NRXN3: variants seen among roughly 807,000 people sequenced by gnomAD.
NRXN3 encodes the protein neurexin 3.
NRXN3 carries 32 observed loss-of-function variants against 137.6 expected under a neutral mutation model. The observed-to-expected ratio is 0.23, with a 90% CI of 0.18 to 0.31. The LOEUF is 0.31. NRXN3 is among the 10% of genes least tolerant of loss of function. The pLI, the probability that NRXN3 is intolerant of heterozygous loss-of-function variation, is 1.00. For missense variants in NRXN3, 1,574 were observed against 2,062.5 expected (o/e 0.76, Z 4.59); for synonymous variants, 798 against 784.5 (o/e 1.02, Z -0.29).
At chr14:79,724,560 A>C (rs1257951799) in intron 19 of NRXN3, among the ~76,000 whole-genome samples, 1 of 152,194 alleles carries the variant, frequency 6.6e-6, no homozygotes, top group Non-Finnish European at 1.5e-5. Context: ...AGATGCTGCT[A>C]TACATTTTAT....
intron 4 of NRXN3, among the ~76,000 whole-genome samples, chr14:78,528,807 TA>T (rs112615675): frequency 6.6e-6 from 1 of 152,282 alleles, no homozygotes; most frequent in African/African-American, 2.4e-5. Flanking sequence ...TTAGCATGGA[TA>T]TTTCCATTCA....
intron 19 of NRXN3, among the ~76,000 whole-genome samples, chr14:79,750,024 T>G (rs1183881564): frequency 6.6e-6 from 1 of 152,174 alleles, no homozygotes; most frequent in Non-Finnish European, 1.5e-5. Context: ...ATGAGTCTGA[T>G]TTTACGCTTT....
chr14:78,183,144 GCTGAAAGGAAGCTCCATTTTTCTTCCTT>G (rs1046318325), intron 1 of NRXN3, among the ~76,000 whole-genome samples: 1 of 152,176 alleles, frequency 6.6e-6, no homozygotes, highest in African/African-American at 2.4e-5. Flanking sequence ...GCCCCTCTGT[GCTGAAAGGAAGCTCCATTTTTCTTCCTT>G]CTGGCAAGAA....
At chr14:78,838,999 T>A (rs1220334699) in intron 10 of NRXN3, among the ~76,000 whole-genome samples, 1 of 152,158 alleles carries the variant, frequency 6.6e-6, no homozygotes, top group East Asian at 1.9e-4. Context: ...GGGAGAATAG[T>A]GGGTGCTGGA....
intron 16 of NRXN3, among the ~76,000 whole-genome samples, chr14:79,475,880 T>C (rs1010035657): frequency 6.6e-6 from 1 of 152,158 alleles, no homozygotes; most frequent in Non-Finnish European, 1.5e-5. Context: ...TTATTGCAGT[T>C]ATCAAGCTAG....
chr14:79,488,892 C>T (rs183205281), intron 16 of NRXN3, among the ~76,000 whole-genome samples: 22 of 152,182 alleles, frequency 1.4e-4, no homozygotes, highest in African/African-American at 3.9e-4. Flanking sequence ...GTCTTGATCT[C>T]GGAGTCAGAA....
chr14:79,052,886 T>C (rs1021989360), intron 15 of NRXN3, among the ~76,000 whole-genome samples: 1 of 152,234 alleles, frequency 6.6e-6, no homozygotes. Flanking sequence ...GTGTGCATGA[T>C]TGTGCTTAGC....
chr14:78,895,982 T>C (rs2099173108), intron 10 of NRXN3, among the ~76,000 whole-genome samples: 1 of 151,880 alleles, frequency 6.6e-6, no homozygotes, highest in African/African-American at 2.4e-5. Flanking sequence ...CCATCTCAGA[T>C]ATAATAATAA....
chr14:78,619,921 G>A (rs937056844), intron 4 of NRXN3, among the ~76,000 whole-genome samples: 123 of 152,208 alleles, frequency 8.1e-4, no homozygotes, highest in Non-Finnish European at 4.3e-4. Flanking sequence ...GGAAGAAGAT[G>A]GCCATCTACA....
At chr14:79,586,436 C>T (rs1343579556) in intron 16 of NRXN3, among the ~76,000 whole-genome samples, 1 of 152,108 alleles carries the variant, frequency 6.6e-6, no homozygotes, top group African/African-American at 2.4e-5. Context: ...TTGAAATGCT[C>T]ATTGTAGAAT....
chr14:78,740,142 T>A (rs897440359), intron 8 of NRXN3, among the ~76,000 whole-genome samples: 4 of 152,232 alleles, frequency 2.6e-5, no homozygotes, highest in Admixed American at 1.3e-4. Flanking sequence ...GTTCCACTTT[T>A]AAACTCTCAG....
intron 20 of NRXN3, among the ~76,000 whole-genome samples, chr14:79,849,198 A>G (rs778691340): frequency 2.0e-5 from 3 of 152,144 alleles, no homozygotes; most frequent in Admixed American, 6.6e-5. Flanking sequence ...GATCTCCCCA[A>G]TTCTACTTTT....
chr14:79,106,808 A>T (rs2052537294), intron 15 of NRXN3, among the ~76,000 whole-genome samples: 1 of 152,180 alleles, frequency 6.6e-6, no homozygotes, highest in South Asian at 2.1e-4. Flanking sequence ...TTTATGCATG[A>T]TAACTGGTGG....
intron 4 of NRXN3, among the ~76,000 whole-genome samples, chr14:78,472,176 C>G (rs781693053): frequency 2.0e-5 from 3 of 152,132 alleles, no homozygotes; most frequent in Non-Finnish European, 4.4e-5. Context: ...TTGGAAACTC[C>G]CACTATTATG....
chr14:78,551,311 A>G (rs1483821187), intron 4 of NRXN3, among the ~76,000 whole-genome samples: 1 of 152,022 alleles, frequency 6.6e-6, no homozygotes, highest in East Asian at 1.9e-4. Context: ...TTCTACTTAT[A>G]TCTATGTATG....
rs75434162 is a variant in NRXN3, at chr14:78,542,230, T to C, written c.758-102890T>C. On this transcript the variant is annotated intron_variant, in intron 4 of 20. Transcript: ENST00000335750. ...GAGCTGTCAGACAGGGACGTTTAAG[T>C]CTGCACAAGTTGTCTGCTGCCTTTT... is the stretch of plus-strand genomic sequence containing the variant. Among the ~76,000 whole-genome samples the C allele has an allele frequency of 5.6e-3, 846 of 152,312 alleles. 42 individuals are homozygous for C. In the East Asian group the frequency reaches 0.094, roughly 17 times the overall value.
At chr14:78,486,018 A>C (rs970435847) in intron 4 of NRXN3, among the ~76,000 whole-genome samples, 1 of 152,224 alleles carries the variant, frequency 6.6e-6, no homozygotes. Context: ...AATAATAACA[A>C]AAGATTGAAT....
At chr14:79,464,018 CGAA>C (rs984253146) in intron 15 of NRXN3, among the ~76,000 whole-genome samples, 1 of 151,930 alleles carries the variant, frequency 6.6e-6, no homozygotes, top group African/African-American at 2.4e-5. Flanking sequence ...AAAATTAACA[CGAA>C]GTATGTATTT....
At chr14:79,844,687 G>T (rs2099363382) in intron 20 of NRXN3, among the ~76,000 whole-genome samples, 1 of 152,056 alleles carries the variant, frequency 6.6e-6, no homozygotes, top group Non-Finnish European at 1.5e-5. Flanking sequence ...TGTCATCTAG[G>T]CTTTGCTAGT....
Sources: gnomAD v4.1 joint callset for allele counts (sites outside exome capture counted in the v4.1 genomes callset) on GRCh38, gnomAD v4.1.1 for gene constraint, MANE v1.5 for transcripts, NCBI Gene and HGNC (gene_info 2026-07-23, HGNC 2026-07-21) for gene names.